LHCGR: variants seen among roughly 807,000 people sequenced by gnomAD.
LHCGR encodes luteinizing hormone/choriogonadotropin receptor, also known as lutropin-choriogonadotropic hormone receptor.
In LHCGR, 55 loss-of-function variants were observed where a neutral mutation model predicts 60.7. The observed-to-expected ratio is 0.91, with a 90% CI of 0.73 to 1.13. The LOEUF (loss-of-function observed/expected upper bound fraction) is 1.13, where lower values mean the gene tolerates loss of function less well. Ranked by LOEUF, LHCGR falls within the 50% of genes most tolerant of loss-of-function variation. LHCGR has a pLI of 0.00. For missense variants in LHCGR, 862 were observed against 836.0 expected, an observed-to-expected ratio of 1.03 and a Z score of -0.38; for synonymous variants, 337 against 316.5, an observed-to-expected ratio of 1.06 and a Z score of -0.69.
Position 48,699,544 on chromosome 2 carries a change from C to T in LHCGR, c.681-744G>A, listed in dbSNP as rs137905906. 8.5e-3 allele frequency among the ~76,000 whole-genome samples: 1,296 copies of T among 152,318 alleles called. 6 individuals are homozygous for T. Among genetic ancestry groups the T allele is most frequent in the Non-Finnish European group, 0.014 (928 of 68,028 alleles). On this transcript the variant is annotated intron_variant, in intron 8 of 10. Coordinates refer to ENST00000294954, the MANE Select transcript of LHCGR (RefSeq NM_000233.4). ...AAATTATTCAGGGCTTCAGATGCCT[C>T]AGTCTTTGATTGATTAAGCCCTGCA... is the stretch of plus-strand genomic sequence containing the variant.
At chr2:48,749,356 C>T (rs1669852283) in intron 1 of LHCGR, among the ~76,000 whole-genome samples, 1 of 152,160 alleles carries the variant, frequency 6.6e-6, no homozygotes, top group Non-Finnish European at 1.5e-5. Flanking sequence ...AGAAAAAAAG[C>T]TGGGTGGGAA....
intron 9 of LHCGR, among the ~76,000 whole-genome samples, chr2:48,696,933 C>T (rs951079834): frequency 6.6e-6 from 1 of 152,210 alleles, no homozygotes; most frequent in African/African-American, 2.4e-5. Flanking sequence ...TAATTGTTCT[C>T]TCACCAGCTT....
intron 1 of LHCGR, chr2:48,732,941 G>A (rs1451421488): frequency 1.9e-6 from 1 of 534,304 alleles, no homozygotes; most frequent in African/African-American, 1.9e-5. Context: ...TTTAACAAAG[G>A]ATCCGAGAAG....
At chr2:48,754,251 A>G (rs77717105) in intron 1 of LHCGR, among the ~76,000 whole-genome samples, 3,150 of 152,274 alleles carry the variant, frequency 0.021, 108 homozygotes, top group African/African-American at 0.073. Flanking sequence ...TAACTTTTCC[A>G]CATGAAGAAG....
At chr2:48,746,780 C>G (rs1324407283) in intron 1 of LHCGR, among the ~76,000 whole-genome samples, 1 of 152,236 alleles carries the variant, frequency 6.6e-6, no homozygotes, top group Non-Finnish European at 1.5e-5. Flanking sequence ...ATAACCCAAT[C>G]TCTATCTCCT....
chr2:48,754,454 T>C (rs1670116253), intron 1 of LHCGR, among the ~76,000 whole-genome samples: 1 of 152,134 alleles, frequency 6.6e-6, no homozygotes, highest in African/African-American at 2.4e-5. Context: ...TTTTTTTCCC[T>C]TTCTTTTCTT....
intron 8 of LHCGR, among the ~76,000 whole-genome samples, chr2:48,703,917 A>G (rs573138683): frequency 1.9e-4 from 29 of 152,282 alleles, no homozygotes; most frequent in African/African-American, 6.7e-4. Flanking sequence ...AGAACTTCCA[A>G]TACTATGTTG....
At chr2:48,709,653 A>G (rs1363423044) in intron 7 of LHCGR, among the ~76,000 whole-genome samples, 1 of 152,150 alleles carries the variant, frequency 6.6e-6, no homozygotes, top group Non-Finnish European at 1.5e-5. Flanking sequence ...TCATGGAAAA[A>G]GTGTTGAGGG....
At position 48,695,397 on chromosome 2, in the gene LHCGR, G is replaced by A. The variant is rs114065877; in HGVS notation, c.867-1093C>T. On this transcript the variant is annotated intron_variant, in intron 9 of 10. Transcript: ENST00000294954. The stretch of plus-strand genomic sequence containing the variant: ...CTGATGTCAAGAAGGGTATTTCCTA[G>A]GTTTTCATTTAGGACTTTTACAGTC... Among the ~76,000 whole-genome samples, 143 of 152,216 alleles carry A rather than the reference G, an allele frequency of 9.4e-4. 3 individuals carry two copies. Among genetic ancestry groups the A allele is most frequent in the African/African-American group, 3.2e-3 (134 of 41,532 alleles).
At chr2:48,725,815 G>T in intron 3 of LHCGR, 65 bp from the exon 4 acceptor site, 1 of 1,300,752 alleles carries the variant, frequency 7.7e-7, no homozygotes, top group Non-Finnish European at 1.1e-6. Flanking sequence ...AAATGTGTGA[G>T]ATCATGGTCA....
chr2:48,726,475 G>A (rs1668735099), intron 3 of LHCGR, among the ~76,000 whole-genome samples: 1 of 152,192 alleles, frequency 6.6e-6, no homozygotes, highest in African/African-American at 2.4e-5. Flanking sequence ...ATACACCACT[G>A]TGATGTTATT....
chr2:48,735,276 G>A (rs1669162697), intron 1 of LHCGR, among the ~76,000 whole-genome samples: 1 of 152,182 alleles, frequency 6.6e-6, no homozygotes, highest in East Asian at 1.9e-4. Flanking sequence ...CCTAGTACTG[G>A]GATCTTGTGA....
chr2:48,700,471 G>A (rs1034977018), intron 8 of LHCGR, among the ~76,000 whole-genome samples: 6 of 152,088 alleles, frequency 3.9e-5, no homozygotes, highest in Non-Finnish European at 8.8e-5. Flanking sequence ...GAGAGTGTAG[G>A]GGTCTGTAGT....
intron 1 of LHCGR, among the ~76,000 whole-genome samples, chr2:48,747,680 AG>A (rs1332578335): frequency 6.6e-6 from 1 of 152,164 alleles, no homozygotes; most frequent in African/African-American, 2.4e-5. Context: ...TCTAGGGGAA[AG>A]CTCCCTGAGC....
At position 48,723,736 on chromosome 2, in the gene LHCGR, G is replaced by A. The variant is rs758384140; in HGVS notation, c.384-40C>T. The A allele has an allele frequency of 6.4e-6, 9 of 1,411,190 alleles. No homozygotes were observed. In the South Asian group the frequency reaches 9.2e-5, roughly 14 times the overall value. The allele number at this position is 1,411,190 out of a possible 1,614,324, so 87.4% of individuals were successfully genotyped here. ...AGGATAGTGGTGTGGGCAGAGAGTG[G>A]GTAAAAGTGATTGTCATTAAGACAT... On this transcript the variant is annotated intron_variant, in intron 4 of 10. Coordinates refer to ENST00000294954, the MANE Select transcript of LHCGR (RefSeq NM_000233.4).
At chr2:48,702,711 C>T (rs978594325) in intron 8 of LHCGR, among the ~76,000 whole-genome samples, 4 of 152,162 alleles carry the variant, frequency 2.6e-5, no homozygotes, top group East Asian at 1.9e-4. Context: ...TGAATAGTGC[C>T]GCAATAAACA....
Position 48,688,162 on chromosome 2 carries a change from G to T in LHCGR, c.1635C>A (p.Cys545Ter), listed in dbSNP as rs121912523. ...GAACTGCAAAATAAATTTTAATGTA[G>T]CAAGCACAAATTATGAAGAAGGCCA... Reference protein sequence around the residue: ...NVVAFFIICACYIKIYFAVRN... With the variant: ...NVVAFFIICA Residue 545 changes from cysteine to a stop codon, truncating the protein, a stop_gained, in exon 11 of 11, where the codon TGC becomes TGA. Transcript: ENST00000294954. LOFTEE classifies it high-confidence loss of function. This position sits in a 1 kb window ranked among gnomAD's most constrained non-coding sequence, Gnocchi z 5.2. 66 of 1,613,944 alleles carry T rather than the reference G, an allele frequency of 4.1e-5. No individual in the cohort carries two copies. The highest frequency in any genetic ancestry group is 5.3e-5 in the Non-Finnish European group (63 of 1,179,998).
rs78135094 is a variant in LHCGR, at chr2:48,709,027, G to A, written c.606-5C>T. 5.4e-4 allele frequency: 864 copies of A among 1,612,934 alleles called. 2 individuals are homozygous for A. In the African/African-American group the frequency reaches 0.01, roughly 20 times the overall value. ...TGTACGTTTTCCTTTAGCTCCCTGTGGGGAAGGATATTGCCCTTAGTGGAG... is the reference window on the plus strand; with the variant it reads ...TGTACGTTTTCCTTTAGCTCCCTGTAGGGAAGGATATTGCCCTTAGTGGAG... On this transcript the variant is annotated splice_region_variant and splice_polypyrimidine_tract_variant and intron_variant, in intron 7 of 10. Transcript: ENST00000294954.
chr2:48,754,430 T>C (rs1207413888), intron 1 of LHCGR, among the ~76,000 whole-genome samples: 4 of 152,162 alleles, frequency 2.6e-5, no homozygotes, highest in Non-Finnish European at 4.4e-5. Flanking sequence ...TTTTAGATAC[T>C]CTTGTCTTTT....
Sources: allele counts gnomAD v4.1 joint callset (sites outside exome capture counted in the v4.1 genomes callset), GRCh38; gene constraint gnomAD v4.1.1; non-coding constraint Gnocchi (gnomAD v3.1); transcripts MANE v1.5; gene names NCBI Gene and HGNC (gene_info 2026-07-23, HGNC 2026-07-21).